Variants in HMCN1 observed in about 807,000 individuals in gnomAD.
HMCN1 encodes the protein hemicentin 1, also known as hemicentin-1.
HMCN1 carries 321 observed loss-of-function variants against 625.9 expected under a neutral mutation model. That is an observed-to-expected ratio of 0.51 (90% CI 0.47 to 0.56). HMCN1 has a LOEUF of 0.56. Among genes scored for constraint, HMCN1 ranks in the 20% least tolerant of loss-of-function variants. The probability of loss-of-function intolerance (pLI) is 0.00; values close to 1 mark genes in which losing one functional copy is unlikely to be tolerated. For synonymous variants in HMCN1, 2,425 were observed against 2,417.6 expected, an observed-to-expected ratio of 1.00 and a Z score of -0.09; for missense variants, 6,588 against 6,887.3, an observed-to-expected ratio of 0.96 and a Z score of 1.54.
chr1:185,856,669 G>T (rs1344458712), intron 2 of HMCN1, among the ~76,000 whole-genome samples: 2 of 152,044 alleles, frequency 1.3e-5, no homozygotes, highest in Non-Finnish European at 2.9e-5. Flanking sequence ...ACTCATGTTA[G>T]AATAAGGGTA....
At position 186,189,937 on chromosome 1, in the gene HMCN1, C is replaced by A; in HGVS notation, c.*59C>A. The A allele has an allele frequency of 6.3e-7, 1 of 1,589,414 alleles. No individual in the cohort carries two copies. Among genetic ancestry groups the A allele is most frequent in the Admixed American group, 1.7e-5 (1 of 59,944 alleles). The stretch of plus-strand genomic sequence containing the variant: ...CCGCATTAATCATGGCAATCAAGCC[C>A]CCTTCCAGATTACTGTCTCTTGAAC... On this transcript the variant is annotated 3_prime_UTR_variant, in exon 107 of 107. Transcript: ENST00000271588.
intron 11 of HMCN1, among the ~76,000 whole-genome samples, chr1:185,948,309 A>G (rs1435691017): frequency 6.6e-6 from 1 of 152,110 alleles, no homozygotes; most frequent in Non-Finnish European, 1.5e-5. Context: ...AGACCACCAA[A>G]CAGGCTTTGT....
At chr1:185,877,221 C>T (rs914409785) in intron 4 of HMCN1, among the ~76,000 whole-genome samples, 1 of 151,324 alleles carries the variant, frequency 6.6e-6, no homozygotes, top group African/African-American at 2.4e-5. Flanking sequence ...ATCCTCTCTC[C>T]ATTGTATATT....
At chr1:185,867,287 C>T (rs758860882) in intron 4 of HMCN1, among the ~76,000 whole-genome samples, 13 of 152,130 alleles carry the variant, frequency 8.5e-5, no homozygotes, top group Non-Finnish European at 1.8e-4. Context: ...ACAGGGAGCC[C>T]TCAACAGTTG....
chr1:185,767,615 G>C (rs953797456), intron 1 of HMCN1, among the ~76,000 whole-genome samples: 2 of 152,136 alleles, frequency 1.3e-5, no homozygotes, highest in African/African-American at 4.8e-5. Context: ...GGCTTAGTGT[G>C]TGGAAAGGAG....
chr1:185,825,160 C>A (rs1557997718), intron 1 of HMCN1, among the ~76,000 whole-genome samples: 1 of 152,080 alleles, frequency 6.6e-6, no homozygotes, highest in African/African-American at 2.4e-5. Flanking sequence ...CAGATATTAG[C>A]CAAACAGAAA....
At chr1:186,177,319 A>AAAG (rs1558284180) in intron 103 of HMCN1, 4 of 150,648 alleles carry the variant, frequency 2.7e-5, no homozygotes, top group Non-Finnish European at 5.9e-5. Context: ...AAAAAAAAAA[A>AAAG]AGAGAGAGCA....
rs766115767 is a variant in HMCN1 at position 186,145,810 on chromosome 1, G to C, written c.14495G>C (p.Gly4832Ala). ...AGCCAGTGCTCTGCCTCCTGTGGAG[G>C]AGGTGAAAAGACTCGGAAGCGGCTG... ...SWSQCSASCG[G>A]GEKTRKRLCD... Residue 4832 changes from glycine (G) to alanine (A), a missense_variant, in exon 93 of 107, where the codon GGA becomes GCA. Coordinates refer to ENST00000271588, the MANE Select transcript of HMCN1 (RefSeq NM_031935.3). The C allele has an allele frequency of 1.2e-6, 2 of 1,614,108 alleles. No homozygotes were observed. The highest frequency in any genetic ancestry group is 8.5e-7 in the Non-Finnish European group (1 of 1,180,000).
intron 42 of HMCN1, among the ~76,000 whole-genome samples, 158 bp downstream of exon 42, chr1:186,048,997 T>TA (rs1656768901): frequency 6.6e-6 from 1 of 152,084 alleles, no homozygotes; most frequent in Admixed American, 6.6e-5. Context: ...TATCAGTTCA[T>TA]ATAACTACTT....
chr1:186,021,470 G>T (rs1015455758), intron 35 of HMCN1, among the ~76,000 whole-genome samples: 3 of 152,058 alleles, frequency 2.0e-5, no homozygotes, highest in South Asian at 4.1e-4. Context: ...TTGAAACCAT[G>T]GGCATGGATG....
At chr1:186,116,792 C>G (rs777397574) in intron 75 of HMCN1, among the ~76,000 whole-genome samples, 4 of 152,100 alleles carry the variant, frequency 2.6e-5, no homozygotes, top group Non-Finnish European at 5.9e-5. Flanking sequence ...AATATTATAT[C>G]AAGTTTGAGG....
intron 29 of HMCN1, among the ~76,000 whole-genome samples, chr1:186,005,163 T>G (rs1450728026): frequency 6.7e-6 from 1 of 149,662 alleles, no homozygotes; most frequent in Non-Finnish European, 1.5e-5. Context: ...ATAAACAATT[T>G]TTTAATTGTT....
chr1:186,052,997 T>C lies in HMCN1; in HGVS notation c.6623T>C (p.Val2208Ala), dbSNP rs1315759624. Residue 2208 changes from valine (V) to alanine (A), a missense_variant, in exon 43 of 107, where the codon GTC becomes GCC. By Grantham distance (64) the Val-to-Ala change is moderately conservative. Around this residue, in one of 3 missense-constraint regions of HMCN1, gnomAD observed 4,628 missense variants for 4,853.1 expected, o/e 0.95. Coordinates refer to ENST00000271588, the MANE Select transcript of HMCN1 (RefSeq NM_031935.3). ...TCTGATGAACTTACTCAACTTACAG[T>C]CATTGAAGGGAATCTCATTAGTCTG... ...GGSDELTQLT[V>A]IEGNLISLLC... The C allele has an allele frequency of 4.4e-6, 7 of 1,606,978 alleles. No individual in the cohort carries two copies. The highest frequency in any genetic ancestry group is 6.0e-6 in the Non-Finnish European group (7 of 1,174,172).
At position 186,010,174 on chromosome 1, in the gene HMCN1, T is replaced by G. The variant is rs1367698990; in HGVS notation, c.4630+2892T>G. On this transcript the variant is annotated intron_variant, in intron 30 of 106. Transcript: ENST00000271588. ...GCATAAAAGTCTTGAGGGGTGTGCG[T>G]GTCTGTGTGTGTGTCTGTGTCTGTG... Among the ~76,000 whole-genome samples, 5 of 152,016 alleles carry G rather than the reference T, an allele frequency of 3.3e-5. No individual in the cohort carries two copies. The East Asian group carries it at 7.8e-4, about 24-fold the overall frequency.
At chr1:185,984,449 T>TGTAG in intron 19 of HMCN1, 136 bp downstream of exon 19, 9 of 922,934 alleles carry the variant, frequency 9.8e-6, no homozygotes, top group Non-Finnish European at 1.4e-5. Flanking sequence ...TCTTGAACAA[T>TGTAG]ATCTACATTG....
chr1:185,974,802 T>G (rs1017100359), intron 15 of HMCN1, among the ~76,000 whole-genome samples: 1 of 152,226 alleles, frequency 6.6e-6, no homozygotes, highest in African/African-American at 2.4e-5. Context: ...TTTGACCTTG[T>G]GCTTGTTTTG....
rs755340964 is a variant in HMCN1 at position 186,067,985 on chromosome 1, C to T, written c.7857C>T (p.Asn2619=). The T allele has an allele frequency of 5.0e-6, 8 of 1,613,444 alleles. No individual in the cohort carries two copies. The highest frequency in any genetic ancestry group is 6.8e-6 in the Non-Finnish European group (8 of 1,179,592). The stretch of plus-strand genomic sequence containing the variant: ...AGGATGGCACTCCTTTAGAATCTAA[C>T]CGAAATATTCGTATTCTTCCAGGTA... The part of the protein sequence containing the change: ...WFKDGTPLES[N]RNIRILPGGR... Residue 2619 remains asparagine, a synonymous_variant, in exon 50 of 107, where the codon AAC becomes AAT. Coordinates refer to ENST00000271588, the MANE Select transcript of HMCN1 (RefSeq NM_031935.3).
At chr1:185,799,380 G>T (rs1424852257) in intron 1 of HMCN1, among the ~76,000 whole-genome samples, 2 of 152,224 alleles carry the variant, frequency 1.3e-5, no homozygotes, top group African/African-American at 2.4e-5. Flanking sequence ...GGGCTGGTCT[G>T]TGGGATGCCC....
chr1:186,111,202 C>G (rs1008294050), intron 71 of HMCN1, among the ~76,000 whole-genome samples: 14 of 151,394 alleles, frequency 9.2e-5, no homozygotes, highest in African/African-American at 1.5e-4. Flanking sequence ...AGGATGGTCT[C>G]GATCTCCTGA....
Sources: allele counts gnomAD v4.1 joint callset (sites outside exome capture counted in the v4.1 genomes callset), GRCh38; gene constraint gnomAD v4.1.1; regional missense constraint gnomAD v4.1.1; transcripts MANE v1.5; gene names NCBI Gene and HGNC (gene_info 2026-07-23, HGNC 2026-07-21).